HOOK3: variants seen among roughly 807,000 people sequenced by gnomAD.
HOOK3 encodes the protein hook microtubule tethering protein 3.
Under a neutral mutation model 116.3 loss-of-function variants are expected in HOOK3, and 24 were observed. The ratio of observed to expected loss-of-function variants is 0.21; its 90% CI spans 0.15 to 0.29. The LOEUF is 0.29. HOOK3 is among the 10% of genes least tolerant of loss of function. The probability of loss-of-function intolerance (pLI) is 1.00; values close to 1 mark genes in which losing one functional copy is unlikely to be tolerated. For missense variants in HOOK3, 632 were observed against 830.2 expected (o/e 0.76, Z 2.93); for synonymous variants, 275 against 283.0 (o/e 0.97, Z 0.28).
chr8:43,000,808 C>T (rs1475226001), intron 16 of HOOK3: 1 of 152,288 alleles, frequency 6.6e-6, no homozygotes, highest in African/African-American at 2.4e-5. Flanking sequence ...TGATTTAGAG[C>T]ATTGTTTGGC....
chr8:42,907,582 A>C (rs1807335484), intron 2 of HOOK3, among the ~76,000 whole-genome samples: 1 of 152,150 alleles, frequency 6.6e-6, no homozygotes, highest in South Asian at 2.1e-4. Flanking sequence ...TCACTCTAGA[A>C]GTTCTTAATA....
intron 2 of HOOK3, among the ~76,000 whole-genome samples, chr8:42,915,896 A>T (rs779851854): frequency 6.6e-6 from 1 of 152,224 alleles, no homozygotes; most frequent in Non-Finnish European, 1.5e-5. Context: ...AGAACCCTGC[A>T]TTAGTGTCCC....
intron 7 of HOOK3, 134 bp from the exon 8 acceptor site, chr8:42,959,097 A>G (rs1808490146): frequency 1.7e-6 from 1 of 605,780 alleles, no homozygotes; most frequent in African/African-American, 1.9e-5. Flanking sequence ...CTTCCACAGG[A>G]TTCTTGATTT....
At chr8:42,931,065 G>C (rs939430829) in intron 4 of HOOK3, among the ~76,000 whole-genome samples, 12 of 152,118 alleles carry the variant, frequency 7.9e-5, no homozygotes, top group Admixed American at 7.9e-4. Flanking sequence ...TACCATGAAC[G>C]ACTTCCTAAC....
At chr8:43,010,679 C>T (rs1809587789) in intron 19 of HOOK3, among the ~76,000 whole-genome samples, 2 of 152,136 alleles carry the variant, frequency 1.3e-5, no homozygotes, top group Admixed American at 1.3e-4. Context: ...TTAACAACAC[C>T]AATTAATGAT....
intron 11 of HOOK3, among the ~76,000 whole-genome samples, chr8:42,970,139 T>C (rs1808700813): frequency 6.6e-6 from 1 of 152,190 alleles, no homozygotes; most frequent in South Asian, 2.1e-4. Context: ...TTGAGACTCT[T>C]TTTGTCTGTG....
rs191976429 is a variant in HOOK3 at position 42,998,001 on chromosome 8, A to G, written c.1620+364A>G. On this transcript the variant is annotated intron_variant, in intron 16 of 21. Transcript: ENST00000307602. ...TTGGAGTGTTCAAGTAGAAATTTTTAATGTAACAGTGACTTTAAGAAAATA... is the reference window on the plus strand; with the variant it reads ...TTGGAGTGTTCAAGTAGAAATTTTTGATGTAACAGTGACTTTAAGAAAATA... 340 of 248,892 alleles carry G rather than the reference A, an allele frequency of 1.4e-3. 5 individuals carry two copies. The highest frequency in any genetic ancestry group is 4.6e-3 in the Middle Eastern group (3 of 654). The allele number at this position is 248,892 out of a possible 1,614,324, so 15.4% of individuals were successfully genotyped here. A position where few individuals can be genotyped will look rare whatever the true frequency, so the allele number is the denominator to read the frequency against.
At chr8:42,954,221 T>C (rs543015173) in intron 6 of HOOK3, among the ~76,000 whole-genome samples, 1 of 152,346 alleles carries the variant, frequency 6.6e-6, no homozygotes, top group Non-Finnish European at 1.5e-5. Context: ...ACTTGCTTAA[T>C]GTTAACTCTC....
intron 1 of HOOK3, among the ~76,000 whole-genome samples, chr8:42,904,575 T>G (rs1045675092): frequency 6.6e-6 from 1 of 152,160 alleles, no homozygotes; most frequent in Non-Finnish European, 1.5e-5. Flanking sequence ...CCTCCCAAAG[T>G]GCTGGGATTA....
chr8:42,963,424 C>T (rs1006567519), intron 8 of HOOK3, among the ~76,000 whole-genome samples: 6 of 152,150 alleles, frequency 3.9e-5, no homozygotes, highest in East Asian at 3.8e-4. Flanking sequence ...TGTTGGCAAA[C>T]GTTTGGATTG....
chr8:42,988,340 A>C (rs531472459), intron 15 of HOOK3, among the ~76,000 whole-genome samples: 2 of 152,158 alleles, frequency 1.3e-5, no homozygotes, highest in Non-Finnish European at 2.9e-5. Flanking sequence ...TATTTTAGCC[A>C]TTTTAGACAG....
chr8:42,992,213 A>G (rs1048304938), intron 15 of HOOK3, among the ~76,000 whole-genome samples: 1 of 151,112 alleles, frequency 6.6e-6, no homozygotes, highest in South Asian at 2.1e-4. Context: ...ATCCTGGCGA[A>G]CACGGTGAAA....
In HOOK3 at chr8:42,973,379, A is replaced by G. The variant is rs1427757544; in HGVS notation, c.1213A>G (p.Ser405Gly). 2 of 1,612,242 alleles carry G rather than the reference A, an allele frequency of 1.2e-6. No individual in the cohort carries two copies. Among genetic ancestry groups the G allele is most frequent in the Non-Finnish European group, 1.7e-6 (2 of 1,179,192 alleles). ...TAAGCGGCTAAAAGAAAAAGTTGAC[A>G]GTCTTCAAAAAGAAAAGGACGTGAG... ...EYKRLKEKVD[S>G]LQKEKDRLRT... The change falls in exon 12 of 22, where the codon AGT (serine) becomes GGT (glycine). Residue 405 changes from serine to glycine, a missense_variant. Transcript: ENST00000307602.
Position 43,018,923 on chromosome 8 carries a change from A to T in HOOK3, c.*425A>T, listed in dbSNP as rs985629252. On this transcript the variant is annotated 3_prime_UTR_variant, in exon 22 of 22. Transcript: ENST00000307602. ...AAGGGAATTAATCTTTTTATGATGT[A>T]TTAATCTGTGTTTTCAATTGTTTTC... The T allele has an allele frequency of 8.6e-5, 19 of 220,374 alleles. No individual in the cohort carries two copies. The highest frequency in any genetic ancestry group is 4.3e-4 in the African/African-American group (19 of 44,652). The allele number at this position is 220,374 out of a possible 1,614,324, so 13.7% of individuals were successfully genotyped here.
At chr8:42,915,671 G>T (rs541408409) in intron 2 of HOOK3, among the ~76,000 whole-genome samples, 1 of 152,106 alleles carries the variant, frequency 6.6e-6, no homozygotes, top group South Asian at 2.1e-4. Flanking sequence ...ACCTCAGGAG[G>T]TCCGCCTGTC....
chr8:42,958,560 G>A (rs559957531), intron 7 of HOOK3, among the ~76,000 whole-genome samples: 2 of 139,070 alleles, frequency 1.4e-5, no homozygotes, highest in African/African-American at 5.3e-5. Flanking sequence ...CAAAATTTTC[G>A]TCGTATTCTA....
At chr8:42,912,053 G>T (rs1807440503) in intron 2 of HOOK3, among the ~76,000 whole-genome samples, 1 of 152,188 alleles carries the variant, frequency 6.6e-6, no homozygotes, top group Non-Finnish European at 1.5e-5. Flanking sequence ...TGTACCCTGA[G>T]CCTTGAAGTT....
At chr8:42,962,955 C>A (rs535942799) in intron 8 of HOOK3, among the ~76,000 whole-genome samples, 1 of 152,090 alleles carries the variant, frequency 6.6e-6, no homozygotes, top group South Asian at 2.1e-4. Context: ...GCGTTTGCCA[C>A]CACGCCTGGC....
At chr8:42,984,685 T>A (rs1423863256) in intron 14 of HOOK3, among the ~76,000 whole-genome samples, 1 of 152,114 alleles carries the variant, frequency 6.6e-6, no homozygotes, top group Non-Finnish European at 1.5e-5. Flanking sequence ...GCGGATCACT[T>A]GAGGCCAGGA....
Sources: allele counts gnomAD v4.1 joint callset (sites outside exome capture counted in the v4.1 genomes callset), GRCh38; gene constraint gnomAD v4.1.1; transcripts MANE v1.5; gene names NCBI Gene and HGNC (gene_info 2026-07-23, HGNC 2026-07-21).